USH2A: variants seen among roughly 807,000 people sequenced by gnomAD.
USH2A encodes the protein Usher syndrome 2A (autosomal recessive, mild).
USH2A carries 443 observed loss-of-function variants against 538.9 expected under a neutral mutation model. That is an observed-to-expected ratio of 0.82 (90% CI 0.76 to 0.89). The LOEUF is 0.89. USH2A is among the 40% of genes least tolerant of loss of function. USH2A has a pLI of 0.00. For synonymous variants in USH2A, 2,413 were observed against 2,273.5 expected (o/e 1.06, Z -1.75); for missense variants, 6,633 against 6,324.8 (o/e 1.05, Z -1.65).
intron 21 of USH2A, among the ~76,000 whole-genome samples, chr1:216,105,576 A>C (rs1023319814): frequency 6.6e-6 from 1 of 152,118 alleles, no homozygotes; most frequent in African/African-American, 2.4e-5. Context: ...TTTTTTTAAT[A>C]CTTTATTCAA....
chr1:215,850,464 C>T (rs993046086), intron 44 of USH2A, among the ~76,000 whole-genome samples: 5 of 151,998 alleles, frequency 3.3e-5, no homozygotes, highest in African/African-American at 9.7e-5. Flanking sequence ...AGCAATTGGC[C>T]GTCTATGAGG....
chr1:215,832,068 A>C (rs1192440624), intron 47 of USH2A, among the ~76,000 whole-genome samples: 2 of 151,976 alleles, frequency 1.3e-5, no homozygotes, highest in Non-Finnish European at 2.9e-5. Flanking sequence ...TATTTTCTGC[A>C]CCCACAAGAT....
chr1:216,184,045 C>T (rs2034544336), intron 20 of USH2A, among the ~76,000 whole-genome samples: 1 of 151,964 alleles, frequency 6.6e-6, no homozygotes, highest in African/African-American at 2.4e-5. Flanking sequence ...GATGCTAAGA[C>T]ACACCAACTG....
intron 69 of USH2A, among the ~76,000 whole-genome samples, chr1:215,635,806 G>A (rs569931556): frequency 4.6e-5 from 7 of 152,178 alleles, no homozygotes; most frequent in East Asian, 1.9e-4. Context: ...CGCCTGCCTC[G>A]GCCTTCCAAC....
At chr1:216,262,027 C>T (rs914287077) in intron 11 of USH2A, among the ~76,000 whole-genome samples, 1 of 152,168 alleles carries the variant, frequency 6.6e-6, no homozygotes, top group African/African-American at 2.4e-5. Flanking sequence ...CCCAAGTTAT[C>T]ACCCTCTACT....
chr1:216,045,727 C>T (rs2030483581), intron 32 of USH2A, among the ~76,000 whole-genome samples: 1 of 152,080 alleles, frequency 6.6e-6, no homozygotes, highest in Non-Finnish European at 1.5e-5. Flanking sequence ...GTGCTTAGCA[C>T]ATTTGTGCAT....
intron 3 of USH2A, among the ~76,000 whole-genome samples, chr1:216,386,418 A>G (rs1170829576): frequency 2.7e-5 from 4 of 150,622 alleles, no homozygotes; most frequent in Admixed American, 1.3e-4. Context: ...CCCGGGAGGC[A>G]GAGCTTGCAG....
chr1:215,702,861 G>A (rs1443677697), intron 61 of USH2A, among the ~76,000 whole-genome samples: 2 of 151,902 alleles, frequency 1.3e-5, no homozygotes, highest in Admixed American at 6.6e-5. Flanking sequence ...CCTTGCTGGC[G>A]AGGAGTTGTG....
At chr1:215,701,088 G>A (rs996105450) in intron 61 of USH2A, among the ~76,000 whole-genome samples, 3 of 152,320 alleles carry the variant, frequency 2.0e-5, no homozygotes, top group East Asian at 1.9e-4. Flanking sequence ...TCAGGAGCAG[G>A]TTGTTCAATT....
intron 3 of USH2A, among the ~76,000 whole-genome samples, chr1:216,405,844 C>A (rs1415515719): frequency 6.6e-6 from 1 of 152,184 alleles, no homozygotes. Flanking sequence ...TGCTATGCTG[C>A]AATAAGGTGG....
At chr1:215,656,838 A>G (rs1657270102) in intron 64 of USH2A, among the ~76,000 whole-genome samples, 1 of 152,242 alleles carries the variant, frequency 6.6e-6, no homozygotes, top group Admixed American at 6.5e-5. Flanking sequence ...TTGTTTATAA[A>G]AACTAAGGAA....
At chr1:216,117,321 AAATG>A (rs1236972986) in intron 21 of USH2A, among the ~76,000 whole-genome samples, 1 of 152,208 alleles carries the variant, frequency 6.6e-6, no homozygotes, top group Admixed American at 6.5e-5. Flanking sequence ...AATGCATGTC[AAATG>A]AATGAAAGAA....
At chr1:216,146,470 G>T (rs558487843) in intron 21 of USH2A, among the ~76,000 whole-genome samples, 1 of 152,138 alleles carries the variant, frequency 6.6e-6, no homozygotes, top group South Asian at 2.1e-4. Context: ...GTCAGACCAC[G>T]CAGGGACACC....
intron 21 of USH2A, among the ~76,000 whole-genome samples, chr1:216,120,562 G>A (rs1318336190): frequency 6.6e-6 from 1 of 151,446 alleles, no homozygotes; most frequent in Non-Finnish European, 1.5e-5. Flanking sequence ...TGCATTGTTA[G>A]CAGAGACGGG....
At chr1:216,133,482 G>T (rs892734519) in intron 21 of USH2A, among the ~76,000 whole-genome samples, 3 of 152,064 alleles carry the variant, frequency 2.0e-5, no homozygotes, top group African/African-American at 7.2e-5. Context: ...TAGAGAAGCT[G>T]CACTAAGCAT....
At chr1:216,302,399 T>A (rs2037232916) in intron 9 of USH2A, among the ~76,000 whole-genome samples, 1 of 152,180 alleles carries the variant, frequency 6.6e-6, no homozygotes, top group Non-Finnish European at 1.5e-5. Context: ...TTATGTAATT[T>A]CAATTGGAAA....
At chr1:215,873,918 G>C (rs1308872340) in intron 43 of USH2A, among the ~76,000 whole-genome samples, 1 of 151,962 alleles carries the variant, frequency 6.6e-6, no homozygotes. Flanking sequence ...ATTATAATCT[G>C]ACAGTCAATA....
intron 44 of USH2A, among the ~76,000 whole-genome samples, 162 bp downstream of exon 44, chr1:215,866,845 T>C (rs1032590423): frequency 2.0e-5 from 3 of 152,198 alleles, no homozygotes; most frequent in African/African-American, 7.2e-5. Flanking sequence ...ATGGCCCTTC[T>C]AAAGTTTTCA....
intron 4 of USH2A, among the ~76,000 whole-genome samples, chr1:216,359,797 T>C (rs1399780022): frequency 6.6e-6 from 1 of 151,944 alleles, no homozygotes; most frequent in Non-Finnish European, 1.5e-5. Context: ...TAGGTAAATA[T>C]AAAAACTGAT....
Sources: gnomAD v4.1 joint callset for allele counts (sites outside exome capture counted in the v4.1 genomes callset) on GRCh38, gnomAD v4.1.1 for gene constraint, MANE v1.5 for transcripts, NCBI Gene and HGNC (gene_info 2026-07-23, HGNC 2026-07-21) for gene names.